Variants in RALGAPA2 observed in about 807,000 individuals in gnomAD.
RALGAPA2 encodes the protein Ral GTPase activating protein catalytic subunit alpha 2.
Under a neutral mutation model 230.4 loss-of-function variants are expected in RALGAPA2, and 139 were observed. The observed-to-expected ratio is 0.60, with a 90% CI of 0.53 to 0.69. The LOEUF (loss-of-function observed/expected upper bound fraction) is 0.69, where lower values mean the gene tolerates loss of function less well. Among genes scored for constraint, RALGAPA2 ranks in the 30% least tolerant of loss-of-function variants. The pLI is 0.00. For synonymous variants in RALGAPA2, 847 were observed against 837.8 expected, an observed-to-expected ratio of 1.01 and a Z score of -0.19; for missense variants, 2,163 against 2,276.0, an observed-to-expected ratio of 0.95 and a Z score of 1.01.
chr20:20,468,501 C>G (rs756955902), intron 37 of RALGAPA2, among the ~76,000 whole-genome samples: 1 of 152,146 alleles, frequency 6.6e-6, no homozygotes, highest in East Asian at 1.9e-4. Context: ...TAATTCAGTT[C>G]TAGGTCCTCT....
At chr20:20,396,651 C>CA in intron 39 of RALGAPA2, 44 bp downstream of exon 39, 1 of 1,559,612 alleles carries the variant, frequency 6.4e-7, no homozygotes, top group Non-Finnish European at 8.8e-7. Context: ...ACCCCCTCCC[C>CA]AAAGCAGGGT....
intron 5 of RALGAPA2, among the ~76,000 whole-genome samples, chr20:20,642,690 C>G (rs985736962): frequency 6.6e-6 from 1 of 151,892 alleles, no homozygotes; most frequent in African/African-American, 2.4e-5. Flanking sequence ...AGCCTATTTC[C>G]TTAAAATAAG....
At chr20:20,526,454 ATAGAT>A in intron 27 of RALGAPA2, 92 bp from the exon 28 acceptor site, 1 of 797,672 alleles carries the variant, frequency 1.3e-6, no homozygotes, top group South Asian at 2.0e-5. Context: ...TCAGTTCCTT[ATAGAT>A]TACATTTATC....
At chr20:20,663,980 A>C (rs2067871484) in intron 3 of RALGAPA2, among the ~76,000 whole-genome samples, 1 of 152,232 alleles carries the variant, frequency 6.6e-6, no homozygotes, top group South Asian at 2.1e-4. Flanking sequence ...ACCACTGCTA[A>C]GTGACTGACA....
At chr20:20,440,213 C>A (rs2060707421) in intron 37 of RALGAPA2, among the ~76,000 whole-genome samples, 1 of 151,894 alleles carries the variant, frequency 6.6e-6, no homozygotes, top group African/African-American at 2.4e-5. Context: ...ATGACCTGGC[C>A]CAGAATACAT....
At chr20:20,601,043 T>C (rs1190077203) in intron 16 of RALGAPA2, among the ~76,000 whole-genome samples, 3 of 151,758 alleles carry the variant, frequency 2.0e-5, no homozygotes, top group Non-Finnish European at 4.4e-5. Context: ...GAGGTTGCAG[T>C]GAGCTGAGAT....
intron 37 of RALGAPA2, among the ~76,000 whole-genome samples, chr20:20,457,726 C>T (rs538270058): frequency 2.0e-5 from 3 of 152,210 alleles, no homozygotes; most frequent in South Asian, 2.1e-4. Context: ...TCTGCCCTCA[C>T]GCAGGGGGCA....
intron 38 of RALGAPA2, among the ~76,000 whole-genome samples, chr20:20,400,210 T>A (rs1009275926): frequency 6.6e-6 from 1 of 152,224 alleles, no homozygotes; most frequent in Non-Finnish European, 1.5e-5. Context: ...GCCAGCCTAA[T>A]TAACATCTCC....
chr20:20,418,884 A>G (rs565917362), intron 37 of RALGAPA2, among the ~76,000 whole-genome samples: 16 of 152,134 alleles, frequency 1.1e-4, no homozygotes, highest in African/African-American at 3.6e-4. Context: ...GACTACAGAC[A>G]TGCGTCACCA....
chr20:20,465,314 GGAGT>G (rs1465158555), intron 37 of RALGAPA2, among the ~76,000 whole-genome samples: 1 of 152,170 alleles, frequency 6.6e-6, no homozygotes, highest in African/African-American at 2.4e-5. Context: ...AGGCTGGCAA[GGAGT>G]GAGTCAGAGC....
chr20:20,626,894 G>A (rs1474515791), intron 10 of RALGAPA2, among the ~76,000 whole-genome samples: 2 of 152,086 alleles, frequency 1.3e-5, no homozygotes, highest in African/African-American at 4.8e-5. Context: ...CGATCCACGA[G>A]GCCTAAAATA....
At chr20:20,625,516 C>T (rs2146384432) in intron 10 of RALGAPA2, among the ~76,000 whole-genome samples, 1 of 152,254 alleles carries the variant, frequency 6.6e-6, no homozygotes, top group South Asian at 2.1e-4. Context: ...GTGCTTCAAA[C>T]TTTTCAGATC....
chr20:20,458,352 T>C (rs537738095), intron 37 of RALGAPA2, among the ~76,000 whole-genome samples: 1 of 149,974 alleles, frequency 6.7e-6, no homozygotes, highest in Non-Finnish European at 1.5e-5. Context: ...AAATAAGAGC[T>C]GAGTACATTT....
chr20:20,572,381 T>G lies in RALGAPA2; in HGVS notation c.2902-435A>C, dbSNP rs532435050. Among the ~76,000 whole-genome samples, 134 of 150,392 alleles carry G rather than the reference T, an allele frequency of 8.9e-4. 3 individuals are homozygous for G. Among genetic ancestry groups the G allele is most frequent in the Non-Finnish European group, 9.4e-4 (64 of 67,830 alleles). Reference sequence around the variant, plus strand: ...TGCTTGAACCCAGGAGGCAGAGGGTTGCAGTGAGCCAAGATGGCGCCACTG... The same window carrying G: ...TGCTTGAACCCAGGAGGCAGAGGGTGGCAGTGAGCCAAGATGGCGCCACTG... On this transcript the variant is annotated intron_variant, in intron 21 of 39. Transcript: ENST00000202677.
intron 24 of RALGAPA2, among the ~76,000 whole-genome samples, chr20:20,540,511 G>T (rs1602708410): frequency 6.6e-6 from 1 of 152,096 alleles, no homozygotes; most frequent in South Asian, 2.1e-4. Flanking sequence ...TAGTTTCAAA[G>T]AACATAACAC....
chr20:20,440,672 C>G (rs1489795457), intron 37 of RALGAPA2, among the ~76,000 whole-genome samples: 1 of 152,234 alleles, frequency 6.6e-6, no homozygotes, highest in Non-Finnish European at 1.5e-5. Context: ...TGTGCAATCA[C>G]GCTGTTTATT....
intron 23 of RALGAPA2, among the ~76,000 whole-genome samples, chr20:20,558,574 A>T (rs1252189588): frequency 2.6e-5 from 4 of 152,256 alleles, no homozygotes; most frequent in African/African-American, 9.6e-5. Context: ...CACCAAAGCC[A>T]TCTTCTTCGG....
At chr20:20,564,802 A>G (rs1410208095) in intron 23 of RALGAPA2, among the ~76,000 whole-genome samples, 1 of 152,214 alleles carries the variant, frequency 6.6e-6, no homozygotes, top group East Asian at 1.9e-4. Context: ...GTTATTCTTG[A>G]AAGTCAATAT....
At chr20:20,637,919 C>T (rs6137087) in intron 7 of RALGAPA2, among the ~76,000 whole-genome samples, 8 of 152,052 alleles carry the variant, frequency 5.3e-5, no homozygotes, top group Non-Finnish European at 1.0e-4. Flanking sequence ...GAAACAATCC[C>T]TCTCAAGAAT....
Sources: gnomAD v4.1 joint callset for allele counts (sites outside exome capture counted in the v4.1 genomes callset) on GRCh38, gnomAD v4.1.1 for gene constraint, MANE v1.5 for transcripts, NCBI Gene and HGNC (gene_info 2026-07-23, HGNC 2026-07-21) for gene names.